The following SURF1 variants were observed in gnomAD, a reference collection of about 807,000 sequenced individuals.
SURF1 encodes the protein surfeit locus protein 1.
SURF1 carries 45 observed loss-of-function variants against 34.1 expected under a neutral mutation model. The observed-to-expected ratio is 1.32, with a 90% confidence interval of 1.04 to 1.69. SURF1 has a LOEUF of 1.69. SURF1 is among the 40% of genes most tolerant of loss of function. The pLI is 0.00. For synonymous variants in SURF1, 188 were observed against 147.5 expected (o/e 1.27, Z -1.99); for missense variants, 456 against 384.6 (o/e 1.19, Z -1.55).
At position 133,352,765 on chromosome 9, in the gene SURF1, C is replaced by T; in HGVS notation, c.517G>A (p.Val173Ile). The change falls in exon 6 of 9, where the codon GTC (valine) becomes ATC (isoleucine). Residue 173 changes from valine (V) to isoleucine (I), a missense_variant and splice_region_variant. Coordinates refer to ENST00000371974, the MANE Select transcript of SURF1 (RefSeq NM_003172.4). ...AACCCTCTATTTACCAGGATGGTGA[C>T]TCTAGGGTAATGAAAGTGCTACTTC... Reference protein sequence around the residue: ...VTPFHCTDLGVTILVNRGFVP... With the variant: ...VTPFHCTDLGITILVNRGFVP... 1 of 1,610,216 alleles carries T rather than the reference C, an allele frequency of 6.2e-7. No homozygotes were observed. The highest frequency in any genetic ancestry group is 2.0e-4 in the Middle Eastern group (1 of 5,044).
chr9:133,352,060 C>A lies in SURF1; in HGVS notation c.833+1G>T, dbSNP rs2130004042. The A allele has an allele frequency of 3.1e-6, 5 of 1,611,916 alleles. No homozygotes were observed. The highest frequency in any genetic ancestry group is 1.1e-5 in the South Asian group (1 of 90,584). ...AAGCCAGAGGGCCGCTGGGGACTCA[C>A]CAGGTCACGATGTACTGCAGATGCT... is the stretch of plus-strand genomic sequence containing the variant. On this transcript the variant is annotated splice_donor_variant, in intron 8 of 8. Transcript: ENST00000371974. LOFTEE classifies it high-confidence loss of function.
chr9:133,353,978 G>A, intron 4 of SURF1, 38 bp from the exon 5 acceptor site: 1 of 1,612,722 alleles, frequency 6.2e-7, no homozygotes, highest in South Asian at 1.1e-5. Context: ...GCAAGGTTTG[G>A]CTGGAAAACG....
rs1424910473 is a variant in SURF1, at chr9:133,352,097, G to A, written c.797C>T (p.Thr266Ile). 1 of 1,610,138 alleles carries A rather than the reference G, an allele frequency of 6.2e-7. No individual in the cohort carries two copies. Among genetic ancestry groups the A allele is most frequent in the East Asian group, 2.2e-5 (1 of 44,820 alleles). Reference protein sequence around the residue: ...GGPIGGQTRVTLRNEHLQYIV... With the variant: ...GGPIGGQTRVILRNEHLQYIV... ...GTACTGCAGATGCTCGTTCCTCAGAGTAACTCTGGTTTGCCCTCCAATGGG... is the reference window on the plus strand; with the variant it reads ...GTACTGCAGATGCTCGTTCCTCAGAATAACTCTGGTTTGCCCTCCAATGGG... Residue 266 changes from threonine (T) to isoleucine (I), a missense_variant, in exon 8 of 9, where the codon ACT becomes ATT. Thr to Ile is a moderately conservative substitution (Grantham distance 89). Transcript: ENST00000371974.
Position 133,352,537 on chromosome 9 carries a change from G to A in SURF1, c.660C>T (p.Asn220=). 1 of 1,614,196 alleles carries A rather than the reference G, an allele frequency of 6.2e-7. No homozygotes were observed. Among genetic ancestry groups the A allele is most frequent in the Non-Finnish European group, 8.5e-7 (1 of 1,180,040 alleles). ...AATGCCAGTGGTTCCTTTCTGGATT[G>A]TTCTCAGGGACAAAAGGCTGCCTGG... ...TETRQPFVPE[N]NPERNHWHYR... The change falls in exon 7 of 9, where the codon AAC becomes AAT. Residue 220 remains asparagine, a synonymous_variant. Transcript: ENST00000371974.
chr9:133,353,766 G>C lies in SURF1; in HGVS notation c.498C>G (p.Phe166Leu), dbSNP rs2130014337. The change falls in exon 5 of 9, where the codon TTC (phenylalanine) becomes TTG (leucine). Residue 166 changes from phenylalanine to leucine, a missense_variant. By Grantham distance (22) the Phe-to-Leu change is conservative. Transcript: ENST00000371974. The part of the protein sequence containing the change: ...TQSGAYVVTP[F>L]HCTDLGVTIL... ...CTACTCACCCCAGGTCGGTGCAGTG[G>C]AAGGGAGTGACCACATAGGCCCCAC... The C allele has an allele frequency of 5.0e-6, 8 of 1,613,746 alleles. No individual in the cohort carries two copies. Among genetic ancestry groups the C allele is most frequent in the Non-Finnish European group, 6.8e-6 (8 of 1,180,048 alleles).
At position 133,356,449 on chromosome 9, in the gene SURF1, G is replaced by C; in HGVS notation, c.5C>G (p.Ala2Gly). 7.0e-7 allele frequency: 1 copy of C among 1,419,346 alleles called. No individual in the cohort carries two copies. The highest frequency in any genetic ancestry group is 9.2e-7 in the Non-Finnish European group (1 of 1,088,500). 87.9% of individuals were successfully genotyped at this position (1,419,346 alleles called of 1,614,324 possible). Residue 2 changes from alanine (A) to glycine (G), a missense_variant, in exon 1 of 9, where the codon GCG (alanine) becomes GGG (glycine). By Grantham distance (60) the Ala-to-Gly change is moderately conservative. Transcript: ENST00000371974. M[A>G]AVAALQLGLR... ...CCCCAGCTGCAACGCAGCCACCGCC[G>C]CCATCGCACCCGGCCCCGCGGGCGC...
chr9:133,354,124 A>C lies in SURF1; in HGVS notation c.324-184T>G. On this transcript the variant is annotated intron_variant, in intron 4 of 8. Coordinates refer to ENST00000371974, the MANE Select transcript of SURF1 (RefSeq NM_003172.4). ...ATCTGCACTGCCAGAGTCCAACTTT[A>C]CAAGAGAGGCTAAAAATCTGGACTC... The C allele has an allele frequency of 4.3e-6, 3 of 699,418 alleles. No homozygotes were observed. In the South Asian group the frequency reaches 4.7e-5, roughly 11 times the overall value. 43.3% of individuals were successfully genotyped at this position (699,418 alleles called of 1,614,324 possible).
chr9:133,351,992 G>C lies in SURF1; in HGVS notation c.834-10C>G. ...TGCAGAGAGTCCATACCTAGGGGTTGAAAGCAAGCCAGCATTAGCAGGCTG... is the reference window on the plus strand; with the variant it reads ...TGCAGAGAGTCCATACCTAGGGGTTCAAAGCAAGCCAGCATTAGCAGGCTG... On this transcript the variant is annotated splice_polypyrimidine_tract_variant and intron_variant, in intron 8 of 8. Coordinates refer to ENST00000371974, the MANE Select transcript of SURF1 (RefSeq NM_003172.4). The C allele has an allele frequency of 1.2e-6, 2 of 1,613,724 alleles. No individual in the cohort carries two copies. Among genetic ancestry groups the C allele is most frequent in the South Asian group, 2.2e-5 (2 of 90,956 alleles).
chr9:133,354,397 TTACTA>T lies in SURF1; in HGVS notation c.323+257_323+261del, dbSNP rs1836513597. ...GCCTTGGGCCCTGTGGAGGATAAGT[TTACTA>T]TACCTGAAAAAAGGGTGACACCCAG... On this transcript the variant is annotated intron_variant, in intron 4 of 8. Transcript: ENST00000371974. The T allele has an allele frequency of 7.2e-6, 4 of 555,032 alleles. No homozygotes were observed. In the East Asian group the frequency reaches 1.3e-4, roughly 18 times the overall value. 34.4% of individuals were successfully genotyped at this position (555,032 alleles called of 1,614,324 possible).
At chr9:133,356,149 G>A (rs1588693342) in intron 2 of SURF1, 120 bp downstream of exon 2, 1 of 1,307,684 alleles carries the variant, frequency 7.6e-7, no homozygotes, top group South Asian at 1.3e-5. Flanking sequence ...CTCCCAGGGA[G>A]CCTCCGCTCA....
intron 7 of SURF1, 150 bp from the exon 8 acceptor site, chr9:133,352,292 T>G: frequency 7.1e-7 from 1 of 1,410,442 alleles, no homozygotes; most frequent in Non-Finnish European, 9.8e-7. Flanking sequence ...GCTCAGTACT[T>G]GCCTAGGTTC....
intron 1 of SURF1, 33 bp from the exon 2 acceptor site, chr9:133,356,353 G>A (rs1836584392): frequency 1.1e-5 from 13 of 1,165,276 alleles, no homozygotes; most frequent in Non-Finnish European, 1.5e-5. Context: ...TGAGCTCCGG[G>A]ACCCCTCCCC....
At chr9:133,353,709 G>A in intron 5 of SURF1, 40 bp downstream of exon 5, 2 of 1,609,524 alleles carry the variant, frequency 1.2e-6, no homozygotes, top group Non-Finnish European at 1.7e-6. Flanking sequence ...TACCCTGACT[G>A]CCTCTGCCAG....
chr9:133,354,304 C>A (rs1836511496), intron 4 of SURF1: 8 of 485,412 alleles, frequency 1.6e-5, no homozygotes, highest in Non-Finnish European at 2.6e-5. Context: ...GCAGACAAAT[C>A]ATTCAGGGCA....
chr9:133,352,529 T>C lies in SURF1; in HGVS notation c.668A>G (p.Glu223Gly), dbSNP rs2130007621. ...GTCTCGATAATGCCAGTGGTTCCTT[T>C]CTGGATTGTTCTCAGGGACAAAAGG... is the stretch of plus-strand genomic sequence containing the variant. The part of the protein sequence containing the change: ...RQPFVPENNP[E>G]RNHWHYRDLE... The change falls in exon 7 of 9, where the codon GAA becomes GGA. Residue 223 changes from glutamate (E) to glycine (G), a missense_variant. By Grantham distance (98) the Glu-to-Gly change is moderately conservative. Transcript: ENST00000371974. The C allele has an allele frequency of 3.1e-6, 5 of 1,614,094 alleles. No individual in the cohort carries two copies. The African/African-American group carries it at 5.3e-5, about 17-fold the overall frequency.
In SURF1 at chr9:133,354,671, G is replaced by A; in HGVS notation, c.311C>T (p.Pro104Leu). 1 of 1,612,888 alleles carries A rather than the reference G, an allele frequency of 6.2e-7. No homozygotes were observed. Among genetic ancestry groups the A allele is most frequent in the Admixed American group, 1.7e-5 (1 of 60,020 alleles). ...LESRVLAEPV[P>L]LPADPMELKN... is the part of the protein sequence containing the mutation. ...GCCATGCACTCACTCGGCTGGCAGA[G>A]GGACAGGCTCAGCCAGAACTCTGGA... Residue 104 changes from proline to leucine, a missense_variant, in exon 4 of 9, where the codon CCT (proline) becomes CTT (leucine). Transcript: ENST00000371974.
Position 133,351,795 on chromosome 9 carries a change from A to G in SURF1, c.*118T>C, listed in dbSNP as rs2130001927. 0.071 allele frequency: 80,744 copies of G among 1,144,576 alleles called. 3,318 individuals are homozygous for G. Among genetic ancestry groups the G allele is most frequent in the Non-Finnish European group, 0.085 (66,476 of 780,808 alleles). The allele number at this position is 1,144,576 out of a possible 1,614,324, so 70.9% of individuals were successfully genotyped here. A position where few individuals can be genotyped will look rare whatever the true frequency, so the allele number is the denominator to read the frequency against. On this transcript the variant is annotated 3_prime_UTR_variant, in exon 9 of 9. Coordinates refer to ENST00000371974, the MANE Select transcript of SURF1 (RefSeq NM_003172.4). ...CCAAGCCAGGATTTTATGATGAACC[A>G]GTCATGAGCTCATTTAAGGTAGAAG...
In SURF1 at chr9:133,354,860, G is replaced by C. The variant is rs2130019230; in HGVS notation, c.204C>G (p.Leu68=). The change falls in exon 3 of 9, where the codon CTC becomes CTG. Residue 68 remains leucine, a synonymous_variant. Coordinates refer to ENST00000371974, the MANE Select transcript of SURF1 (RefSeq NM_003172.4). ...CCAAGCCAAAGGCAGTCACAGGGAT[G>C]AGGAGCAGGACCCACTGAAGAAAGG... ...DDSFLQWVLL[L]IPVTAFGLGT... is the part of the protein sequence containing the mutation. 1 of 1,614,056 alleles carries C rather than the reference G, an allele frequency of 6.2e-7. No homozygotes were observed. Among genetic ancestry groups the C allele is most frequent in the Non-Finnish European group, 8.5e-7 (1 of 1,180,044 alleles).
chr9:133,354,374 CTTGGG>C (rs2119084406), intron 4 of SURF1: 1 of 527,516 alleles, frequency 1.9e-6, no homozygotes. Flanking sequence ...GCCACAGGGC[CTTGGG>C]CCCTGTGGAG....
Sources: gnomAD v4.1 joint callset for allele counts on GRCh38, gnomAD v4.1.1 for gene constraint, MANE v1.5 for transcripts, NCBI Gene and HGNC (gene_info 2026-07-23, HGNC 2026-07-21) for gene names.